PLPP3: variants seen among roughly 807,000 people sequenced by gnomAD.
The protein encoded by PLPP3 is PAP2 beta.
A neutral mutation model predicts 29.6 loss-of-function variants in PLPP3; 6 were observed. The observed-to-expected ratio is 0.20, with a 90% CI of 0.11 to 0.40. The LOEUF (loss-of-function observed/expected upper bound fraction) is 0.40. Among genes scored for constraint, PLPP3 ranks in the 10% least tolerant of loss-of-function variants. The pLI, the probability that PLPP3 is intolerant of heterozygous loss-of-function variation, is 1.00. For missense variants in PLPP3, 308 were observed against 407.7 expected (o/e 0.76, Z 2.11); for synonymous variants, 152 against 159.7 (o/e 0.95, Z 0.36).
intron 4 of PLPP3, among the ~76,000 whole-genome samples, chr1:56,520,575 G>A (rs1012759149): frequency 7.2e-5 from 11 of 151,960 alleles, no homozygotes; most frequent in Non-Finnish European, 8.8e-5. Context: ...AGAAAGTTTT[G>A]CAAATCAGCC....
At chr1:56,509,120 T>C (rs567319165) in intron 5 of PLPP3, among the ~76,000 whole-genome samples, 1 of 152,302 alleles carries the variant, frequency 6.6e-6, no homozygotes, top group Admixed American at 6.5e-5. Context: ...AGGCTGGGTG[T>C]CAGGCATTTG....
chr1:56,560,523 A>G (rs569138872), intron 1 of PLPP3, among the ~76,000 whole-genome samples: 2 of 152,230 alleles, frequency 1.3e-5, no homozygotes, highest in South Asian at 4.2e-4. Flanking sequence ...TTCTATTTCA[A>G]AGATGGCCCC....
chr1:56,548,895 C>CA (rs767987345), intron 1 of PLPP3, among the ~76,000 whole-genome samples: 1,303 of 120,710 alleles, frequency 0.011, 12 homozygotes, highest in Middle Eastern at 0.014. Context: ...AAGGCTATAC[C>CA]AAAAAAAAAA....
intron 1 of PLPP3, among the ~76,000 whole-genome samples, chr1:56,558,993 G>T (rs72664369): frequency 0.021 from 3,194 of 152,252 alleles, 56 homozygotes; most frequent in East Asian, 0.07. Flanking sequence ...TAATTCAACT[G>T]CCTCATTATT....
chr1:56,574,525 G>A lies in PLPP3; in HGVS notation c.139+4353C>T, dbSNP rs554842133. Among the ~76,000 whole-genome samples the A allele has an allele frequency of 3.2e-3, 486 of 152,282 alleles. 5 individuals are homozygous for A. The highest frequency in any genetic ancestry group is 0.014 in the Middle Eastern group (4 of 294). On this transcript the variant is annotated intron_variant, in intron 1 of 5. Coordinates refer to ENST00000371250, the MANE Select transcript of PLPP3 (RefSeq NM_003713.5). The stretch of plus-strand genomic sequence containing the variant: ...CTGCCTCTGCCTCCCAAAGTGCTGG[G>A]ATTACAGGAGTAAGCCACTGCACCC...
At chr1:56,575,144 A>G (rs993476741) in intron 1 of PLPP3, among the ~76,000 whole-genome samples, 4 of 152,160 alleles carry the variant, frequency 2.6e-5, no homozygotes, top group African/African-American at 9.7e-5. Context: ...CGGTCACCGC[A>G]TGTTTAATGG....
intron 1 of PLPP3, among the ~76,000 whole-genome samples, chr1:56,548,926 G>T (rs1646022252): frequency 1.3e-5 from 2 of 151,766 alleles, no homozygotes; most frequent in African/African-American, 4.8e-5. Context: ...AACTGAAAAG[G>T]TTTTCTTCCC....
chr1:56,557,015 A>AAG (rs1349023505), intron 1 of PLPP3, among the ~76,000 whole-genome samples: 117 of 13,542 alleles, frequency 8.6e-3, no homozygotes, highest in Admixed American at 0.015. Flanking sequence ...AGAAAGAGAG[A>AAG]GAGAGAGAGA....
intron 1 of PLPP3, among the ~76,000 whole-genome samples, chr1:56,555,929 A>T (rs1353970200): frequency 6.6e-6 from 1 of 152,376 alleles, no homozygotes; most frequent in East Asian, 1.9e-4. Context: ...ACCATCAAAC[A>T]GTCTCACACT....
intron 1 of PLPP3, chr1:56,538,389 G>C (rs1386896999): frequency 3.0e-6 from 1 of 331,130 alleles, no homozygotes; most frequent in African/African-American, 2.2e-5. Flanking sequence ...TGGAACTAGG[G>C]AAGACCACCA....
intron 2 of PLPP3, among the ~76,000 whole-genome samples, chr1:56,532,782 T>A (rs535918068): frequency 2.0e-5 from 3 of 152,188 alleles, no homozygotes; most frequent in Non-Finnish European, 2.9e-5. Context: ...AAGGTCTATG[T>A]CTCACACTAG....
At chr1:56,541,004 A>T (rs1176609170) in intron 1 of PLPP3, among the ~76,000 whole-genome samples, 5 of 152,202 alleles carry the variant, frequency 3.3e-5, no homozygotes, top group Non-Finnish European at 5.9e-5. Flanking sequence ...CTGGAAGTCA[A>T]TACATCATAG....
rs375354068 is a variant in PLPP3, at chr1:56,524,423, G to C, written c.429C>G (p.Phe143Leu). Reference sequence around the variant, plus strand: ...CTATGGACACTTTGGCAATGTCTGTGAAAGACTGGCTGATGGCACAGCCAA... The same window carrying C: ...CTATGGACACTTTGGCAATGTCTGTCAAAGACTGGCTGATGGCACAGCCAA... Reference protein sequence around the residue: ...FLFGCAISQSFTDIAKVSIGR... With the variant: ...FLFGCAISQSLTDIAKVSIGR... Residue 143 changes from phenylalanine (F) to leucine (L), a missense_variant, in exon 3 of 6, where the codon TTC (phenylalanine) becomes TTG (leucine). By Grantham distance (22) the Phe-to-Leu change is conservative. This residue lies in a region of PLPP3 where 232 missense variants were observed against 317.2 expected (regional missense o/e 0.73). Transcript: ENST00000371250. This position sits in a 1 kb window ranked among gnomAD's most constrained non-coding sequence, Gnocchi z 4.3. 6 of 1,614,136 alleles carry C rather than the reference G, an allele frequency of 3.7e-6. No homozygotes were observed. The highest frequency in any genetic ancestry group is 5.1e-6 in the Non-Finnish European group (6 of 1,179,962).
At position 56,549,318 on chromosome 1, in the gene PLPP3, C is replaced by T. The variant is rs12563470; in HGVS notation, c.140-12206G>A. On this transcript the variant is annotated intron_variant, in intron 1 of 5. Transcript: ENST00000371250. ...TCCTGGCAGGGAAAGTAAGTCAACA[C>T]TAGTCATTGGTTCAATGAAGAAATG... Among the ~76,000 whole-genome samples, 703 of 152,278 alleles carry T rather than the reference C, an allele frequency of 4.6e-3. 13 individuals carry two copies. In the East Asian group the frequency reaches 0.051, roughly 11 times the overall value.
intron 4 of PLPP3, among the ~76,000 whole-genome samples, chr1:56,523,111 TG>T (rs750031284): frequency 3.3e-5 from 5 of 152,214 alleles, no homozygotes; most frequent in Admixed American, 6.5e-5. Flanking sequence ...CCTTGGTCTG[TG>T]GATTTGAGAA....
chr1:56,532,118 G>A (rs1037027592), intron 2 of PLPP3, among the ~76,000 whole-genome samples: 8 of 152,152 alleles, frequency 5.3e-5, no homozygotes, highest in Non-Finnish European at 1.2e-4. Context: ...TGTGGGTGGT[G>A]GAGAAAGGGA....
intron 2 of PLPP3, among the ~76,000 whole-genome samples, chr1:56,528,439 A>G (rs1284326832): frequency 2.0e-5 from 3 of 152,192 alleles, no homozygotes; most frequent in African/African-American, 7.2e-5. Flanking sequence ...ATAGAGCAAG[A>G]GGTGGTGAAA....
In PLPP3 at chr1:56,578,863, C is replaced by A. The variant is rs371592291; in HGVS notation, c.139+15G>T. The A allele has an allele frequency of 2.6e-6, 4 of 1,538,438 alleles. No individual in the cohort carries two copies. The highest frequency in any genetic ancestry group is 1.4e-5 in the African/African-American group (1 of 70,082). On this transcript the variant is annotated intron_variant, in intron 1 of 5. Coordinates refer to ENST00000371250, the MANE Select transcript of PLPP3 (RefSeq NM_003713.5). The stretch of plus-strand genomic sequence containing the variant: ...GAGGGGCCGAGGGGCCGAGGGACAG[C>A]GGGGCTGGGCTCACCCATGAAGAGG...
intron 5 of PLPP3, among the ~76,000 whole-genome samples, chr1:56,511,558 G>A (rs951997761): frequency 2.6e-5 from 4 of 152,064 alleles, no homozygotes; most frequent in African/African-American, 9.7e-5. Context: ...GTGAGCACTC[G>A]AGTCAGGAGA....
Sources: gnomAD v4.1 joint callset for allele counts (sites outside exome capture counted in the v4.1 genomes callset) on GRCh38, gnomAD v4.1.1 for gene constraint, gnomAD v4.1.1 regional missense constraint, Gnocchi (gnomAD v3.1) non-coding constraint, MANE v1.5 for transcripts, NCBI Gene and HGNC (gene_info 2026-07-23, HGNC 2026-07-21) for gene names.